CDH13: variants seen among roughly 807,000 people sequenced by gnomAD.
CDH13 encodes cadherin 13.
Under a neutral mutation model 63.8 loss-of-function variants are expected in CDH13, and 24 were observed. The ratio of observed to expected loss-of-function variants is 0.38; its 90% CI spans 0.27 to 0.53. CDH13 has a LOEUF of 0.53. CDH13 is among the 20% of genes least tolerant of loss of function. The probability of loss-of-function intolerance (pLI) is 0.85; values close to 1 mark genes in which losing one functional copy is unlikely to be tolerated. For synonymous variants in CDH13, 503 were observed against 355.3 expected (o/e 1.42, Z -4.67); for missense variants, 1,049 against 903.1 (o/e 1.16, Z -2.07).
At chr16:83,365,489 A>T (rs1438430732) in intron 6 of CDH13, among the ~76,000 whole-genome samples, 2 of 152,244 alleles carry the variant, frequency 1.3e-5, no homozygotes, top group Non-Finnish European at 2.9e-5. Flanking sequence ...GACTCATAAA[A>T]TTAATCATCC....
In CDH13 at chr16:82,909,252, A is replaced by ATATGTGTG. The variant is rs1428605467; in HGVS notation, c.157+50780_157+50781insATGTGTGT. On this transcript the variant is annotated intron_variant, in intron 2 of 13. Coordinates refer to ENST00000567109, the MANE Select transcript of CDH13 (RefSeq NM_001257.5). The stretch of plus-strand genomic sequence containing the variant: ...CACAGAAACTGAGGACTGACTGTAT[A>ATATGTGTG]TGTGTGTGTGTGTGTGTGTGTGTGT... Among the ~76,000 whole-genome samples, 21 of 146,948 alleles carry ATATGTGTG rather than the reference A, an allele frequency of 1.4e-4. 1 individual carries two copies. In the South Asian group the frequency reaches 1.6e-3, roughly 11 times the overall value.
chr16:83,314,608 C>T (rs1456468007), intron 5 of CDH13, among the ~76,000 whole-genome samples: 1 of 152,076 alleles, frequency 6.6e-6, no homozygotes, highest in Non-Finnish European at 1.5e-5. Context: ...GACAAGCCCA[C>T]AACTTCATAT....
At chr16:83,058,029 C>G (rs1464238619) in intron 3 of CDH13, among the ~76,000 whole-genome samples, 1 of 152,208 alleles carries the variant, frequency 6.6e-6, no homozygotes, top group Admixed American at 6.5e-5. Flanking sequence ...CTCACAGCAA[C>G]TTTACTTTCA....
At chr16:83,769,949 T>G (rs1914652445) in intron 11 of CDH13, among the ~76,000 whole-genome samples, 2 of 152,132 alleles carry the variant, frequency 1.3e-5, no homozygotes, top group Admixed American at 1.3e-4. Flanking sequence ...TTGGTTACGG[T>G]ACATGACCTA....
chr16:82,842,157 T>TAC (rs2039060740), intron 1 of CDH13, among the ~76,000 whole-genome samples: 1 of 32,936 alleles, frequency 3.0e-5, no homozygotes, highest in Non-Finnish European at 7.3e-5. Context: ...TATATATATA[T>TAC]ATATATACAC....
intron 7 of CDH13, among the ~76,000 whole-genome samples, chr16:83,586,600 C>G (rs1023024926): frequency 6.6e-6 from 1 of 152,158 alleles, no homozygotes; most frequent in African/African-American, 2.4e-5. Context: ...GAGGCTTAGC[C>G]CTTGTCAGCA....
At chr16:82,794,431 C>G (rs1024166108) in intron 1 of CDH13, among the ~76,000 whole-genome samples, 3 of 139,320 alleles carry the variant, frequency 2.2e-5, no homozygotes, top group South Asian at 2.5e-4. Flanking sequence ...TGTTTTTTTT[C>G]TCCCTTGAGA....
At chr16:83,731,062 C>T (rs1441974359) in intron 10 of CDH13, among the ~76,000 whole-genome samples, 1 of 152,178 alleles carries the variant, frequency 6.6e-6, no homozygotes, top group Non-Finnish European at 1.5e-5. Context: ...TCCATTCCAC[C>T]ATTGATGAGC....
chr16:83,306,519 C>A (rs979028701), intron 5 of CDH13, among the ~76,000 whole-genome samples: 1 of 152,218 alleles, frequency 6.6e-6, no homozygotes, highest in African/African-American at 2.4e-5. Flanking sequence ...TCCCCTTTGA[C>A]TTTCTCTACC....
chr16:82,868,712 T>C (rs899154538), intron 2 of CDH13, among the ~76,000 whole-genome samples: 16 of 152,222 alleles, frequency 1.1e-4, no homozygotes, highest in African/African-American at 3.9e-4. Flanking sequence ...CACAGATACG[T>C]CCTGTTTGGC....
chr16:83,181,242 G>A lies in CDH13; in HGVS notation c.484-36103G>A, dbSNP rs142990795. On this transcript the variant is annotated intron_variant, in intron 4 of 13. Coordinates refer to ENST00000567109, the MANE Select transcript of CDH13 (RefSeq NM_001257.5). ...GGACTTAATTTCTTCTCAGTCCAAG[G>A]CAGGTGTTTAATTGCAACGTGTCCC... 1,731 of 350,432 alleles carry A rather than the reference G, an allele frequency of 4.9e-3. 25 individuals carry two copies. The highest frequency in any genetic ancestry group is 0.034 in the African/African-American group (1,614 of 47,010). The allele number at this position is 350,432 out of a possible 1,614,324, so 21.7% of individuals were successfully genotyped here. A position where few individuals can be genotyped will look rare whatever the true frequency, so the allele number is the denominator to read the frequency against.
intron 1 of CDH13, among the ~76,000 whole-genome samples, chr16:82,755,111 T>C (rs1335705562): frequency 6.6e-6 from 1 of 152,216 alleles, no homozygotes; most frequent in Middle Eastern, 3.2e-3. Flanking sequence ...TGGGTCGACC[T>C]GATAAAATAT....
chr16:83,016,405 G>A (rs889742495), intron 2 of CDH13, among the ~76,000 whole-genome samples: 1 of 152,134 alleles, frequency 6.6e-6, no homozygotes, highest in Admixed American at 6.5e-5. Flanking sequence ...AATATTTTTT[G>A]ATTGCCAACT....
In CDH13 at chr16:83,131,282, CT is replaced by C. The variant is rs1265920705; in HGVS notation, c.483+5785del. On this transcript the variant is annotated intron_variant, in intron 4 of 13. Transcript: ENST00000567109. ...TGAGTTTGCCTCCTAATTTCTGGCT[CT>C]TTTCCATGGTGCATTCTGCCCTAGA... Among the ~76,000 whole-genome samples the C allele has an allele frequency of 3.6e-5, 5 of 139,774 alleles. No homozygotes were observed. In the South Asian group the frequency reaches 9.1e-4, roughly 25 times the overall value. The allele number at this position is 139,774 out of a possible 152,430, so 91.7% of individuals were successfully genotyped here.
chr16:83,289,052 A>G (rs1467197975), intron 5 of CDH13, among the ~76,000 whole-genome samples: 2 of 152,226 alleles, frequency 1.3e-5, no homozygotes, highest in African/African-American at 4.8e-5. Flanking sequence ...AAACTCCTAC[A>G]TTCACCAAGT....
intron 5 of CDH13, among the ~76,000 whole-genome samples, chr16:83,218,052 A>G (rs896069317): frequency 2.6e-5 from 4 of 152,220 alleles, no homozygotes; most frequent in African/African-American, 9.6e-5. Context: ...CCTCATTACC[A>G]ATGGAGTATT....
rs146059074 is a variant in CDH13, at chr16:83,230,509, G to A, written c.636+13012G>A. Among the ~76,000 whole-genome samples, 67 of 152,226 alleles carry A rather than the reference G, an allele frequency of 4.4e-4. No individual in the cohort carries two copies. In the South Asian group the frequency reaches 8.1e-3, roughly 18 times the overall value. The stretch of plus-strand genomic sequence containing the variant: ...TATTTTTAGAAAGCTGTCCCAGGCC[G>A]GCACGGTGGCTCACACCTGTAATCC... On this transcript the variant is annotated intron_variant, in intron 5 of 13. Transcript: ENST00000567109.
intron 7 of CDH13, among the ~76,000 whole-genome samples, chr16:83,522,905 G>C (rs1267674754): frequency 2.0e-5 from 3 of 152,166 alleles, no homozygotes; most frequent in Non-Finnish European, 4.4e-5. Flanking sequence ...TCTTCCCAGT[G>C]TGACTCCAGC....
Position 82,938,377 on chromosome 16 carries a change from C to A in CDH13, c.157+79904C>A, listed in dbSNP as rs114162230. Among the ~76,000 whole-genome samples the A allele has an allele frequency of 7.7e-3, 1,169 of 152,288 alleles. 11 individuals are homozygous for A. Among genetic ancestry groups the A allele is most frequent in the African/African-American group, 0.026 (1,091 of 41,552 alleles). On this transcript the variant is annotated intron_variant, in intron 2 of 13. Coordinates refer to ENST00000567109, the MANE Select transcript of CDH13 (RefSeq NM_001257.5). Reference sequence around the variant, plus strand: ...CAGTAAACTGAGCAGATTAAATGATCAATGTTTCTTTTAGATTAGCCCTCT... The same window carrying A: ...CAGTAAACTGAGCAGATTAAATGATAAATGTTTCTTTTAGATTAGCCCTCT...
Sources: allele counts gnomAD v4.1 joint callset (sites outside exome capture counted in the v4.1 genomes callset), GRCh38; gene constraint gnomAD v4.1.1; transcripts MANE v1.5; gene names NCBI Gene and HGNC (gene_info 2026-07-23, HGNC 2026-07-21).